The following EIF3H variants were observed in gnomAD, a reference collection of about 807,000 sequenced individuals.
The protein encoded by EIF3H is eIF-3-gamma.
Under a neutral mutation model 44.2 loss-of-function variants are expected in EIF3H, and 26 were observed. The ratio of observed to expected loss-of-function variants is 0.59; its 90% confidence interval spans 0.43 to 0.82. EIF3H has a LOEUF of 0.82. Among genes scored for constraint, EIF3H ranks in the 40% least tolerant of loss-of-function variants. The pLI is 0.00. For missense variants in EIF3H, 359 were observed against 432.8 expected (o/e 0.83, Z 1.51); for synonymous variants, 166 against 151.9 (o/e 1.09, Z -0.68).
rs752132873 is a variant in EIF3H, at chr8:116,755,623, C to T, written c.132+43G>A. ...ACGTCTGGTGGGACGGGGCTGGGAACTGCGCTCCCCACGTGGGCCAGAGGA... is the reference window on the plus strand; with the variant it reads ...ACGTCTGGTGGGACGGGGCTGGGAATTGCGCTCCCCACGTGGGCCAGAGGA... On this transcript the variant is annotated intron_variant, in intron 1 of 7. Coordinates refer to ENST00000521861, the MANE Select transcript of EIF3H (RefSeq NM_003756.3). 1.2e-6 allele frequency: 2 copies of T among 1,611,778 alleles called. 1 individual carries two copies. Among genetic ancestry groups the T allele is most frequent in the South Asian group, 2.2e-5 (2 of 90,868 alleles).
At chr8:116,726,601 C>G (rs1563654355) in intron 1 of EIF3H, among the ~76,000 whole-genome samples, 1 of 152,210 alleles carries the variant, frequency 6.6e-6, no homozygotes, top group Non-Finnish European at 1.5e-5. Context: ...CACCTGAAAG[C>G]AGAGCCTTCT....
At chr8:116,652,113 A>G (rs1461656487) in intron 5 of EIF3H, among the ~76,000 whole-genome samples, 1 of 152,216 alleles carries the variant, frequency 6.6e-6, no homozygotes, top group East Asian at 1.9e-4. Flanking sequence ...AGATGAGCAC[A>G]AGAGGGGGTT....
At chr8:116,649,766 T>C (rs1008276185) in intron 5 of EIF3H, among the ~76,000 whole-genome samples, 1 of 152,310 alleles carries the variant, frequency 6.6e-6, no homozygotes, top group South Asian at 2.1e-4. Flanking sequence ...TATATCTTCA[T>C]TGATCTTATA....
chr8:116,705,638 A>C (rs1814456879), intron 2 of EIF3H, among the ~76,000 whole-genome samples: 1 of 152,128 alleles, frequency 6.6e-6, no homozygotes, highest in South Asian at 2.1e-4. Context: ...AAAATACTTA[A>C]GCAGCACTCT....
At chr8:116,674,755 T>C (rs1385338718) in intron 2 of EIF3H, among the ~76,000 whole-genome samples, 4 of 152,096 alleles carry the variant, frequency 2.6e-5, no homozygotes, top group African/African-American at 9.7e-5. Context: ...TCTCTCCAAA[T>C]AATATTTGTC....
chr8:116,642,474 A>C lies in EIF3H; in HGVS notation c.*2532T>G, dbSNP rs1813236894. ...ATATTAAAAACACATTGGGAGCAGG[A>C]ATCCATTCTTTCAGGTTTTAAGAAT... On this transcript the variant is annotated 3_prime_UTR_variant, in exon 8 of 8. Transcript: ENST00000521861. 1 of 152,198 alleles carries C rather than the reference A, an allele frequency of 6.6e-6. No homozygotes were observed. The highest frequency in any genetic ancestry group is 6.5e-5 in the Admixed American group (1 of 15,274). 9.4% of individuals were successfully genotyped at this position (152,198 alleles called of 1,614,324 possible).
intron 1 of EIF3H, among the ~76,000 whole-genome samples, chr8:116,736,425 G>A (rs905664493): frequency 6.6e-6 from 1 of 152,224 alleles, no homozygotes; most frequent in Admixed American, 6.5e-5. Context: ...ACTTCAGGAG[G>A]CTGAGGCCAG....
chr8:116,744,026 A>G (rs922789046), intron 1 of EIF3H, among the ~76,000 whole-genome samples: 7 of 151,700 alleles, frequency 4.6e-5, no homozygotes, highest in Non-Finnish European at 7.4e-5. Context: ...AAAGAGTGCA[A>G]GAACTGAACA....
intron 1 of EIF3H, among the ~76,000 whole-genome samples, chr8:116,753,847 C>T (rs1257329240): frequency 1.3e-5 from 2 of 152,164 alleles, no homozygotes; most frequent in Non-Finnish European, 2.9e-5. Flanking sequence ...TTTATGCCAC[C>T]GACCTGTTGC....
intron 2 of EIF3H, among the ~76,000 whole-genome samples, chr8:116,710,622 C>A (rs1347931387): frequency 6.6e-6 from 1 of 152,192 alleles, no homozygotes; most frequent in Non-Finnish European, 1.5e-5. Flanking sequence ...AAGAAGCAGC[C>A]TTTTAAGTAA....
At chr8:116,741,087 CT>C (rs1815124614) in intron 1 of EIF3H, among the ~76,000 whole-genome samples, 1 of 152,030 alleles carries the variant, frequency 6.6e-6, no homozygotes, top group Non-Finnish European at 1.5e-5. Context: ...AGTCTGATTT[CT>C]TTTTTAATTT....
intron 1 of EIF3H, among the ~76,000 whole-genome samples, chr8:116,728,054 TG>T (rs1408706322): frequency 6.6e-6 from 1 of 152,212 alleles, no homozygotes; most frequent in Non-Finnish European, 1.5e-5. Flanking sequence ...TTACAACACA[TG>T]GCTTTTTAGA....
chr8:116,728,723 A>G (rs1814898348), intron 1 of EIF3H, among the ~76,000 whole-genome samples: 1 of 152,176 alleles, frequency 6.6e-6, no homozygotes, highest in South Asian at 2.1e-4. Context: ...GAAAGGCACA[A>G]AAATGGACTT....
chr8:116,755,632 C>T lies in EIF3H; in HGVS notation c.132+34G>A, dbSNP rs367747339. 8.0e-5 allele frequency: 129 copies of T among 1,612,776 alleles called. No homozygotes were observed. Among genetic ancestry groups the T allele is most frequent in the Non-Finnish European group, 1.8e-5 (21 of 1,179,374 alleles). On this transcript the variant is annotated intron_variant, in intron 1 of 7. Coordinates refer to ENST00000521861, the MANE Select transcript of EIF3H (RefSeq NM_003756.3). ...GGGACGGGGCTGGGAACTGCGCTCC[C>T]CACGTGGGCCAGAGGAAAAAGAACA...
At position 116,755,753 on chromosome 8, in the gene EIF3H, G is replaced by T; in HGVS notation, c.45C>A (p.Ser15=). 2 of 1,614,162 alleles carry T rather than the reference G, an allele frequency of 1.2e-6. No homozygotes were observed. The highest frequency in any genetic ancestry group is 1.7e-6 in the Non-Finnish European group (2 of 1,180,032). The part of the protein sequence containing the change: ...KEGTGSTATS[S]SSTAGAAGKG... ...TCCCTGCTGCGCCGGCGGTGGAGCT[G>T]GAAGAGGTGGCAGTAGAGCCGGTAC... The change falls in exon 1 of 8, where the codon TCC becomes TCA. Residue 15 remains serine, a synonymous_variant. Coordinates refer to ENST00000521861, the MANE Select transcript of EIF3H (RefSeq NM_003756.3).
chr8:116,660,707 TA>T (rs1419100646), intron 2 of EIF3H, among the ~76,000 whole-genome samples: 1 of 151,916 alleles, frequency 6.6e-6, no homozygotes, highest in Non-Finnish European at 1.5e-5. Context: ...CATTTATTCA[TA>T]AAAAGGAAAA....
At chr8:116,694,268 G>A (rs919463419) in intron 2 of EIF3H, among the ~76,000 whole-genome samples, 2 of 151,814 alleles carry the variant, frequency 1.3e-5, no homozygotes, top group African/African-American at 2.4e-5. Flanking sequence ...AATTCATCAT[G>A]CTATAAAACT....
chr8:116,643,348 G>A lies in EIF3H; in HGVS notation c.*1658C>T, dbSNP rs148103182. 6.6e-6 allele frequency: 1 copy of A among 152,194 alleles called. No homozygotes were observed. The highest frequency in any genetic ancestry group is 2.4e-5 in the African/African-American group (1 of 41,446). 9.4% of individuals were successfully genotyped at this position (152,194 alleles called of 1,614,324 possible). A position where few individuals can be genotyped will look rare whatever the true frequency, so the allele number is the denominator to read the frequency against. On this transcript the variant is annotated 3_prime_UTR_variant, in exon 8 of 8. Transcript: ENST00000521861. The stretch of plus-strand genomic sequence containing the variant: ...TGACATTTTACATACCCTTTGACTC[G>A]TAAGTCTATATCAAAGATTATCCTA...
At chr8:116,748,122 A>G (rs1303974663) in intron 1 of EIF3H, among the ~76,000 whole-genome samples, 1 of 151,906 alleles carries the variant, frequency 6.6e-6, no homozygotes, top group African/African-American at 2.4e-5. Flanking sequence ...ATTGCACTCC[A>G]GCCTGGGCAA....
Sources: gnomAD v4.1 joint callset for allele counts (sites outside exome capture counted in the v4.1 genomes callset) on GRCh38, gnomAD v4.1.1 for gene constraint, MANE v1.5 for transcripts, NCBI Gene and HGNC (gene_info 2026-07-23, HGNC 2026-07-21) for gene names.